Variants in IQSEC1 observed in about 807,000 individuals in gnomAD.
IQSEC1 encodes IQ motif and Sec7 domain ArfGEF 1.
In IQSEC1, 31 loss-of-function variants were observed where a neutral mutation model predicts 91.0. The observed-to-expected ratio is 0.34, with a 90% CI of 0.26 to 0.46. The LOEUF (loss-of-function observed/expected upper bound fraction) is 0.46, where lower values mean the gene tolerates loss of function less well. Ranked by LOEUF, IQSEC1 falls within the 20% of genes least tolerant of loss-of-function variation. The pLI, the probability that IQSEC1 is intolerant of heterozygous loss-of-function variation, is 1.00. For synonymous variants in IQSEC1, 699 were observed against 662.6 expected (o/e 1.05, Z -0.84); for missense variants, 1,388 against 1,575.6 (o/e 0.88, Z 2.02).
rs545529152 is a variant in IQSEC1, at chr3:12,899,590, C to T, written c.*1393G>A. ...AGCTCACTGGACCATGGGAAGGCAG[C>T]GGGGGCTCCGCCGGGCACTCGTCGG... On this transcript the variant is annotated 3_prime_UTR_variant, in exon 14 of 14. Coordinates refer to ENST00000613206, the MANE Select transcript of IQSEC1 (RefSeq NM_001134382.3). 220 of 985,400 alleles carry T rather than the reference C, an allele frequency of 2.2e-4. No individual in the cohort carries two copies. The African/African-American group carries it at 2.7e-3, about 12-fold the overall frequency. The allele number at this position is 985,400 out of a possible 1,614,324, so 61.0% of individuals were successfully genotyped here.
rs1695364658 is a variant in IQSEC1 at position 12,909,541 on chromosome 3, G to A, written c.2417-107C>T. 6.0e-6 allele frequency: 7 copies of A among 1,170,166 alleles called. No homozygotes were observed. In the East Asian group the frequency reaches 1.4e-4, roughly 24 times the overall value. The allele number at this position is 1,170,166 out of a possible 1,614,324, so 72.5% of individuals were successfully genotyped here. The stretch of plus-strand genomic sequence containing the variant: ...GTAGGGCTGAGTTGTGCGTGAGCCT[G>A]GGATAAGTGCCGGGAGTCCAGCCTC... On this transcript the variant is annotated intron_variant, in intron 10 of 13. Coordinates refer to ENST00000613206, the MANE Select transcript of IQSEC1 (RefSeq NM_001134382.3). This position sits in a 1 kb window ranked among gnomAD's most constrained non-coding sequence, Gnocchi z 4.9.
chr3:13,121,683 T>C (rs1408308148), intron 2 of IQSEC1, among the ~76,000 whole-genome samples: 2 of 152,264 alleles, frequency 1.3e-5, no homozygotes, highest in African/African-American at 4.8e-5. Context: ...AGTGGTAGCC[T>C]GGCCACTGAC....
intron 1 of IQSEC1, among the ~76,000 whole-genome samples, chr3:12,999,584 G>T (rs780157855): frequency 6.6e-6 from 1 of 152,160 alleles, no homozygotes; most frequent in Admixed American, 6.5e-5. Flanking sequence ...GGAACAAAGC[G>T]TCATGTTGGG....
chr3:13,092,766 C>T (rs1490730480), intron 2 of IQSEC1, among the ~76,000 whole-genome samples: 1 of 152,200 alleles, frequency 6.6e-6, no homozygotes, highest in South Asian at 2.1e-4. Flanking sequence ...TCAGGCCCTG[C>T]GCTCTCTGGC....
At chr3:13,092,461 C>G (rs923108784) in intron 2 of IQSEC1, among the ~76,000 whole-genome samples, 1 of 152,126 alleles carries the variant, frequency 6.6e-6, no homozygotes, top group African/African-American at 2.4e-5. Flanking sequence ...GCCTCATTCC[C>G]TGGCCACATG....
At chr3:12,961,478 A>C (rs944901445) in intron 1 of IQSEC1, among the ~76,000 whole-genome samples, 3 of 152,248 alleles carry the variant, frequency 2.0e-5, no homozygotes, top group Admixed American at 1.3e-4. Context: ...GCACGCTACA[A>C]GCACAAGCTA....
chr3:13,047,936 C>T (rs1354447427), intron 1 of IQSEC1, among the ~76,000 whole-genome samples: 2 of 152,196 alleles, frequency 1.3e-5, no homozygotes, highest in African/African-American at 2.4e-5. Context: ...TTTGGGCCCA[C>T]CCAGCCTCCA....
intron 1 of IQSEC1, among the ~76,000 whole-genome samples, chr3:13,186,777 C>T (rs1470550055): frequency 6.6e-6 from 1 of 152,218 alleles, no homozygotes; most frequent in East Asian, 1.9e-4. Context: ...CACTGGACGG[C>T]GACCCTTTGG....
At chr3:12,987,445 A>G (rs1701795338) in intron 1 of IQSEC1, among the ~76,000 whole-genome samples, 1 of 149,970 alleles carries the variant, frequency 6.7e-6, no homozygotes, top group Non-Finnish European at 1.5e-5. Context: ...CATGTGTCAG[A>G]GAGAGAGAGA....
chr3:12,980,068 C>T (rs193073505), intron 1 of IQSEC1, among the ~76,000 whole-genome samples: 2 of 152,312 alleles, frequency 1.3e-5, no homozygotes, highest in African/African-American at 4.8e-5. Flanking sequence ...CTGAGCTGTG[C>T]AGAGAGAAGG....
At chr3:13,023,157 T>A (rs1703476018) in intron 1 of IQSEC1, among the ~76,000 whole-genome samples, 1 of 152,208 alleles carries the variant, frequency 6.6e-6, no homozygotes. Context: ...GAGCCCACGC[T>A]GGAGTCAGGG....
At chr3:13,015,115 T>G (rs958218220) in intron 1 of IQSEC1, among the ~76,000 whole-genome samples, 1 of 152,212 alleles carries the variant, frequency 6.6e-6, no homozygotes, top group Non-Finnish European at 1.5e-5. Context: ...CCTGGGCCAC[T>G]GTGTGACTTC....
chr3:13,019,781 G>C (rs1024762954), intron 1 of IQSEC1, among the ~76,000 whole-genome samples: 1 of 152,146 alleles, frequency 6.6e-6, no homozygotes, highest in Non-Finnish European at 1.5e-5. Flanking sequence ...CCTCTCATTG[G>C]TGGTGAGGAG....
chr3:13,149,700 G>GT (rs1706958769), intron 2 of IQSEC1, among the ~76,000 whole-genome samples: 1 of 151,852 alleles, frequency 6.6e-6, no homozygotes, highest in Admixed American at 6.6e-5. Context: ...CCCAGGCCCT[G>GT]GCAGCTCCGC....
At chr3:13,204,439 C>G (rs1694303763) in intron 1 of IQSEC1, among the ~76,000 whole-genome samples, 1 of 152,248 alleles carries the variant, frequency 6.6e-6, no homozygotes, top group South Asian at 2.1e-4. Flanking sequence ...GTCGCACTTC[C>G]CCCTCCCACG....
intron 1 of IQSEC1, among the ~76,000 whole-genome samples, chr3:13,277,151 A>G (rs1335285064): frequency 6.7e-6 from 1 of 150,318 alleles, no homozygotes; most frequent in African/African-American, 2.4e-5. Flanking sequence ...AAAACAAGAC[A>G]CAAAAGACCG....
In IQSEC1 at chr3:12,963,268, C is replaced by T. The variant is rs953931639; in HGVS notation, c.24-21403G>A. 6.6e-5 allele frequency among the ~76,000 whole-genome samples: 10 copies of T among 152,326 alleles called. No homozygotes were observed. The South Asian group carries it at 2.1e-3, about 32-fold the overall frequency. On this transcript the variant is annotated intron_variant, in intron 1 of 13. Transcript: ENST00000613206. ...GTCACCATGTCAGGAAACTGCAAAC[C>T]GAGGAGATAAAACGGAAAGAATGGG...
chr3:12,906,296 G>A (rs969869052), intron 12 of IQSEC1, among the ~76,000 whole-genome samples: 1 of 152,118 alleles, frequency 6.6e-6, no homozygotes, highest in Admixed American at 6.5e-5. Context: ...TGTGAGGGCC[G>A]TGGTGAGTGA....
chr3:12,923,936 A>G (rs1339184908), intron 4 of IQSEC1, among the ~76,000 whole-genome samples: 1 of 152,212 alleles, frequency 6.6e-6, no homozygotes, highest in Admixed American at 6.5e-5. Flanking sequence ...CAGGCTTTCA[A>G]GTAGCCGGGA....
Sources: gnomAD v4.1 joint callset for allele counts (sites outside exome capture counted in the v4.1 genomes callset) on GRCh38, gnomAD v4.1.1 for gene constraint, Gnocchi (gnomAD v3.1) non-coding constraint, MANE v1.5 for transcripts, NCBI Gene and HGNC (gene_info 2026-07-23, HGNC 2026-07-21) for gene names.